Variants in ZFAT observed in about 807,000 individuals in gnomAD.
ZFAT encodes zinc finger protein ZFAT.
ZFAT carries 64 observed loss-of-function variants against 117.7 expected under a neutral mutation model. That is an observed-to-expected ratio of 0.54 (90% CI 0.44 to 0.67). The LOEUF is 0.67. ZFAT is among the 30% of genes least tolerant of loss of function. The pLI is 0.00. For synonymous variants in ZFAT, 679 were observed against 615.0 expected, an observed-to-expected ratio of 1.10 and a Z score of -1.54; for missense variants, 1,433 against 1,584.5, an observed-to-expected ratio of 0.90 and a Z score of 1.62.
intron 3 of ZFAT, among the ~76,000 whole-genome samples, chr8:134,616,088 C>T (rs1044996056): frequency 3.3e-5 from 5 of 152,200 alleles, no homozygotes; most frequent in Non-Finnish European, 7.3e-5. Context: ...CCCAGAGACT[C>T]TGGCCTACAA....
chr8:134,534,082 A>G (rs150803796), intron 11 of ZFAT, among the ~76,000 whole-genome samples: 159 of 152,344 alleles, frequency 1.0e-3, no homozygotes, highest in African/African-American at 3.7e-3. Context: ...GAGCAAGTCC[A>G]GCCACACCTC....
chr8:134,629,160 T>C (rs1348445846), intron 3 of ZFAT, among the ~76,000 whole-genome samples: 1 of 152,170 alleles, frequency 6.6e-6, no homozygotes, highest in Non-Finnish European at 1.5e-5. Flanking sequence ...CGGGGATGTT[T>C]CTGGCTGAAT....
intron 12 of ZFAT, among the ~76,000 whole-genome samples, chr8:134,524,527 T>C (rs550733715): frequency 2.0e-5 from 3 of 152,336 alleles, no homozygotes; most frequent in East Asian, 1.9e-4. Context: ...TTCTAAACTA[T>C]GGACAATTTT....
chr8:134,683,807 C>T (rs1833186504), intron 1 of ZFAT, among the ~76,000 whole-genome samples: 2 of 152,116 alleles, frequency 1.3e-5, no homozygotes, highest in Admixed American at 6.5e-5. Context: ...AGAAAGCCTG[C>T]TCTGTCTGAT....
chr8:134,666,576 C>T (rs1832231867), intron 1 of ZFAT, among the ~76,000 whole-genome samples: 1 of 151,750 alleles, frequency 6.6e-6, no homozygotes, highest in Non-Finnish European at 1.5e-5. Flanking sequence ...CTACAACAAG[C>T]GAAAAAACAT....
At chr8:134,713,889 C>T (rs1324905228), upstream of ZFAT, among the ~76,000 whole-genome samples, 1 of 120 alleles carries the variant, frequency 8.3e-3, no homozygotes, top group Non-Finnish European at 0.021. Context: ...CCTCCCTTAC[C>T]TCTGTCAATG....
At chr8:134,815,431 T>C in the ZFAT span, among the ~76,000 whole-genome samples, 1 of 152,218 alleles carries the variant, frequency 6.6e-6, no homozygotes, top group African/African-American at 2.4e-5. Context: ...AAGTTGCTAG[T>C]ATTTAGTTTG....
chr8:134,595,340 A>T (rs994953361), intron 7 of ZFAT, among the ~76,000 whole-genome samples: 1 of 151,932 alleles, frequency 6.6e-6, no homozygotes, highest in Non-Finnish European at 1.5e-5. Context: ...CTTCTAATGG[A>T]TCTTTTTTTT....
intron 3 of ZFAT, among the ~76,000 whole-genome samples, chr8:134,613,513 T>G (rs1230734913): frequency 3.3e-5 from 5 of 152,130 alleles, no homozygotes; most frequent in Non-Finnish European, 4.4e-5. Flanking sequence ...CACAAGAATC[T>G]CATCTCTCCC....
At chr8:134,568,748 T>G (rs1250532111) in intron 10 of ZFAT, among the ~76,000 whole-genome samples, 1 of 152,196 alleles carries the variant, frequency 6.6e-6, no homozygotes, top group Non-Finnish European at 1.5e-5. Context: ...ACTAATGTTT[T>G]CAGCAACCAC....
At chr8:134,512,342 C>G in intron 14 of ZFAT, 133 bp downstream of exon 14, 1 of 1,345,628 alleles carries the variant, frequency 7.4e-7, no homozygotes, top group Non-Finnish European at 1.0e-6. Context: ...GGGGCTGCTT[C>G]TGCAGTCTGA....
At chr8:134,779,304 T>G in the ZFAT span, among the ~76,000 whole-genome samples, 1 of 152,212 alleles carries the variant, frequency 6.6e-6, no homozygotes, top group Non-Finnish European at 1.5e-5. Context: ...CAATACAGAC[T>G]ACACAAAACA....
the ZFAT span, among the ~76,000 whole-genome samples, chr8:134,818,180 T>C: frequency 6.6e-6 from 1 of 152,160 alleles, no homozygotes; most frequent in Non-Finnish European, 1.5e-5. Flanking sequence ...TCAAAAGACA[T>C]TGTTAAGAGA....
chr8:134,830,229 T>A, the ZFAT span, among the ~76,000 whole-genome samples: 1 of 152,198 alleles, frequency 6.6e-6, no homozygotes, highest in Non-Finnish European at 1.5e-5. Flanking sequence ...CAAGAAATAA[T>A]CTTTTCAGGT....
chr8:134,520,716 G>A (rs1006577175), intron 13 of ZFAT, among the ~76,000 whole-genome samples, 167 bp downstream of exon 13: 14 of 152,088 alleles, frequency 9.2e-5, no homozygotes, highest in African/African-American at 3.1e-4. Flanking sequence ...TCTTAACCCA[G>A]TTATACCCCT....
chr8:134,663,396 A>T (rs1832039570), intron 1 of ZFAT, among the ~76,000 whole-genome samples: 1 of 152,214 alleles, frequency 6.6e-6, no homozygotes, highest in South Asian at 2.1e-4. Flanking sequence ...TTATGAATAG[A>T]TGGAAGGAAG....
At chr8:134,623,186 C>T (rs1219396912) in intron 3 of ZFAT, among the ~76,000 whole-genome samples, 1 of 152,166 alleles carries the variant, frequency 6.6e-6, no homozygotes, top group Non-Finnish European at 1.5e-5. Context: ...CAACGAGGCA[C>T]ACCCCCAATC....
At chr8:134,588,138 T>G in intron 9 of ZFAT, 108 bp downstream of exon 9, 5 of 1,310,690 alleles carry the variant, frequency 3.8e-6, no homozygotes, top group Non-Finnish European at 5.1e-6. Context: ...CTAAGGAAAT[T>G]CTAACAGCAG....
chr8:134,591,056 C>T (rs1203862505), intron 7 of ZFAT, among the ~76,000 whole-genome samples: 1 of 152,158 alleles, frequency 6.6e-6, no homozygotes, highest in African/African-American at 2.4e-5. Flanking sequence ...GCAGGTGGTA[C>T]TCAACCTCAA....
Sources: allele counts gnomAD v4.1 joint callset (sites outside exome capture counted in the v4.1 genomes callset), GRCh38; gene constraint gnomAD v4.1.1; transcripts MANE v1.5; gene names NCBI Gene and HGNC (gene_info 2026-07-23, HGNC 2026-07-21).